The following PCDH7 variants were observed in gnomAD, a reference collection of about 807,000 sequenced individuals.
PCDH7 encodes protocadherin-7.
Under a neutral mutation model 58.9 loss-of-function variants are expected in PCDH7, and 17 were observed. The ratio of observed to expected loss-of-function variants is 0.29; its 90% CI spans 0.20 to 0.43. The LOEUF (loss-of-function observed/expected upper bound fraction) is 0.43. Ranked by LOEUF, PCDH7 falls within the 20% of genes least tolerant of loss-of-function variation. PCDH7 has a pLI of 1.00. For missense variants in PCDH7, 1,274 were observed against 1,441.0 expected, an observed-to-expected ratio of 0.88 and a Z score of 1.88; for synonymous variants, 664 against 616.4, an observed-to-expected ratio of 1.08 and a Z score of -1.14.
At chr4:31,063,439 A>C (rs564905705) in intron 3 of PCDH7, among the ~76,000 whole-genome samples, 4 of 151,836 alleles carry the variant, frequency 2.6e-5, no homozygotes, top group Non-Finnish European at 5.9e-5. Flanking sequence ...GCTATCATAC[A>C]TGCTTTTTTA....
chr4:31,143,285 A>G (rs1720466065), downstream of PCDH7: 1 of 157,430 alleles, frequency 6.4e-6, no homozygotes, highest in African/African-American at 2.4e-5. Flanking sequence ...CTGGTCAAAA[A>G]TAAGCAGGAC....
chr4:30,920,285 C>A, exon 2 of PCDH7: 1 of 1,367,562 alleles, frequency 7.3e-7, no homozygotes, highest in Non-Finnish European at 9.8e-7. Flanking sequence ...AGGGCCAAGA[C>A]TGGGTGCGCT....
chr4:30,955,329 G>GA (rs1262155807), intron 3 of PCDH7, among the ~76,000 whole-genome samples: 10 of 151,706 alleles, frequency 6.6e-5, no homozygotes, highest in African/African-American at 2.2e-4. Context: ...ATAACATGGG[G>GA]AAAAAACTGA....
intron 3 of PCDH7, among the ~76,000 whole-genome samples, chr4:31,016,555 C>A (rs1248659379): frequency 6.6e-6 from 1 of 151,960 alleles, no homozygotes; most frequent in African/African-American, 2.4e-5. Context: ...TGCTCTTGGA[C>A]CCCTGGAATG....
chr4:30,998,428 T>G (rs550426592), intron 3 of PCDH7, among the ~76,000 whole-genome samples: 1 of 152,276 alleles, frequency 6.6e-6, no homozygotes, highest in African/African-American at 2.4e-5. Context: ...TGTTTTTTTG[T>G]AGTTGTCTGA....
At chr4:31,020,993 G>A (rs535011079) in intron 3 of PCDH7, among the ~76,000 whole-genome samples, 61 of 152,236 alleles carry the variant, frequency 4.0e-4, no homozygotes, top group African/African-American at 1.3e-3. Flanking sequence ...TGTATTGGAA[G>A]AAAATATTTC....
At chr4:30,755,606 G>A (rs1257832013) in intron 1 of PCDH7, among the ~76,000 whole-genome samples, 1 of 152,118 alleles carries the variant, frequency 6.6e-6, no homozygotes, top group African/African-American at 2.4e-5. Context: ...TAACAAGCCT[G>A]TGCAGAAAAA....
chr4:30,730,723 C>A, intron 1 of PCDH7: 1 of 1,515,634 alleles, frequency 6.6e-7, no homozygotes, highest in Non-Finnish European at 9.0e-7. Context: ...TTTTTTTTAC[C>A]TGCATAAATC....
chr4:30,839,132 C>A (rs370928294), intron 1 of PCDH7, among the ~76,000 whole-genome samples: 1 of 151,502 alleles, frequency 6.6e-6, no homozygotes, highest in Non-Finnish European at 1.5e-5. Context: ...ATATAATAAT[C>A]ACAATTGCTA....
intron 2 of PCDH7, among the ~76,000 whole-genome samples, chr4:30,923,722 C>T (rs2109418335): frequency 6.6e-6 from 1 of 152,178 alleles, no homozygotes; most frequent in South Asian, 2.1e-4. Context: ...ATTAGTTATA[C>T]ATTTATTTGT....
intron 1 of PCDH7, among the ~76,000 whole-genome samples, chr4:30,740,986 A>AT (rs1276242260): frequency 1.3e-5 from 2 of 152,134 alleles, no homozygotes; most frequent in African/African-American, 2.4e-5. Flanking sequence ...TGGTGCAGTG[A>AT]TTTTTTTGCT....
At chr4:30,744,753 C>G (rs927829256) in intron 1 of PCDH7, among the ~76,000 whole-genome samples, 2 of 152,216 alleles carry the variant, frequency 1.3e-5, no homozygotes, top group African/African-American at 4.8e-5. Context: ...CTCACTGGAG[C>G]TGAGTTGGGA....
intron 1 of PCDH7, among the ~76,000 whole-genome samples, chr4:30,745,023 T>C (rs978436336): frequency 6.6e-6 from 1 of 152,210 alleles, no homozygotes; most frequent in African/African-American, 2.4e-5. Flanking sequence ...GATGGAACTT[T>C]TGCCATCATC....
chr4:30,982,728 G>T lies in PCDH7; in HGVS notation c.*7+32513G>T, dbSNP rs114790334. On this transcript the variant is annotated intron_variant, in intron 3 of 3. Transcript: ENST00000509759. ...GATTTTTTTTCCCAGTTACTTTACT[G>T]ACCTCACCACATTTAACAGTAACTG... is the stretch of plus-strand genomic sequence containing the variant. Among the ~76,000 whole-genome samples, 499 of 151,898 alleles carry T rather than the reference G, an allele frequency of 3.3e-3. 4 individuals carry two copies. Among genetic ancestry groups the T allele is most frequent in the African/African-American group, 9.6e-3 (396 of 41,400 alleles).
chr4:30,810,690 C>T (rs1198304213), intron 1 of PCDH7, among the ~76,000 whole-genome samples: 2 of 151,286 alleles, frequency 1.3e-5, no homozygotes, highest in Non-Finnish European at 1.5e-5. Flanking sequence ...CTGCTCACTG[C>T]AACCTCTGCC....
chr4:30,978,116 C>A (rs1016288722), intron 3 of PCDH7, among the ~76,000 whole-genome samples: 1 of 152,126 alleles, frequency 6.6e-6, no homozygotes, highest in African/African-American at 2.4e-5. Flanking sequence ...AATAGAGGAA[C>A]ATTCTGTTAA....
exon 1 of PCDH7, chr4:30,724,311 G>T (rs911881495): frequency 6.2e-7 from 1 of 1,613,954 alleles, no homozygotes; most frequent in Non-Finnish European, 8.5e-7. Context: ...ATGGACAGAG[G>T]TATGATAGTG....
chr4:31,101,646 T>C (rs1476661765), intron 3 of PCDH7, among the ~76,000 whole-genome samples: 1 of 152,216 alleles, frequency 6.6e-6, no homozygotes, highest in African/African-American at 2.4e-5. Context: ...AATTCCTGCA[T>C]ATTAGGCTGT....
intron 1 of PCDH7, among the ~76,000 whole-genome samples, chr4:30,918,302 A>C (rs1019081903): frequency 1.1e-4 from 16 of 152,146 alleles, no homozygotes; most frequent in Non-Finnish European, 2.2e-4. Flanking sequence ...GAGACCAAAA[A>C]CATTAAACAG....
Sources: allele counts gnomAD v4.1 joint callset (sites outside exome capture counted in the v4.1 genomes callset), GRCh38; gene constraint gnomAD v4.1.1; transcripts MANE v1.5; gene names NCBI Gene and HGNC (gene_info 2026-07-23, HGNC 2026-07-21).